The following LSAMP variants were observed in gnomAD, a reference collection of about 807,000 sequenced individuals.
LSAMP encodes limbic system associated membrane protein, also known as limbic system-associated membrane protein.
LSAMP carries 7 observed loss-of-function variants against 38.6 expected under a neutral mutation model. That is an observed-to-expected ratio of 0.18 (90% confidence interval 0.10 to 0.34). The LOEUF is 0.34. Ranked by LOEUF, LSAMP falls within the 10% of genes least tolerant of loss-of-function variation. The probability of loss-of-function intolerance (pLI) is 1.00; values close to 1 mark genes in which losing one functional copy is unlikely to be tolerated. For missense variants in LSAMP, 313 were observed against 420.0 expected (o/e 0.75, Z 2.23); for synonymous variants, 154 against 166.8 (o/e 0.92, Z 0.59).
intron 4 of LSAMP, among the ~76,000 whole-genome samples, chr3:115,847,803 C>T (rs146431768): frequency 3.4e-4 from 52 of 152,272 alleles, no homozygotes; most frequent in African/African-American, 1.2e-3. Context: ...TCAATTAAAC[C>T]TCTTTCCTTT....
In LSAMP at chr3:115,945,509, G is replaced by A. The variant is rs146565443; in HGVS notation, c.514+74006C>T. Among the ~76,000 whole-genome samples, 15 of 152,138 alleles carry A rather than the reference G, an allele frequency of 9.9e-5. No individual in the cohort carries two copies. In the East Asian group the frequency reaches 2.7e-3, roughly 27 times the overall value. ...AGGTAGGAGAAAGTAAATACCAAAG[G>A]TCACACAACTTTGAAGCTTCAGGGC... On this transcript the variant is annotated intron_variant, in intron 3 of 6. Coordinates refer to ENST00000490035, the MANE Select transcript of LSAMP (RefSeq NM_002338.5).
chr3:116,072,264 C>G (rs905321857), intron 2 of LSAMP, among the ~76,000 whole-genome samples: 2 of 152,090 alleles, frequency 1.3e-5, no homozygotes, highest in Non-Finnish European at 2.9e-5. Context: ...CGTGAGCCAC[C>G]GCGCCCCGCC....
intron 1 of LSAMP, among the ~76,000 whole-genome samples, chr3:116,110,407 G>A (rs979952223): frequency 2.6e-5 from 4 of 152,194 alleles, no homozygotes; most frequent in South Asian, 2.1e-4. Context: ...TGAAACATGG[G>A]TGAATAATCA....
chr3:115,891,049 C>G (rs949389626), intron 3 of LSAMP, among the ~76,000 whole-genome samples: 1 of 151,958 alleles, frequency 6.6e-6, no homozygotes, highest in Non-Finnish European at 1.5e-5. Flanking sequence ...TACTATACTT[C>G]TGCCTTCTGT....
rs562356416 is a variant in LSAMP at position 116,433,975 on chromosome 3, C to G, written c.155+10902G>C. Among the ~76,000 whole-genome samples, 3 of 152,088 alleles carry G rather than the reference C, an allele frequency of 2.0e-5. No individual in the cohort carries two copies. The South Asian group carries it at 6.2e-4, about 32-fold the overall frequency. Reference sequence around the variant, plus strand: ...CTTTGGGATCCTTCCCAAAATACCCCCATTTGCCCTTCTCATTTTCCAAAA... The same window carrying G: ...CTTTGGGATCCTTCCCAAAATACCCGCATTTGCCCTTCTCATTTTCCAAAA... On this transcript the variant is annotated intron_variant, in intron 1 of 6. Transcript: ENST00000490035.
At chr3:116,102,740 C>T (rs1260622107) in intron 1 of LSAMP, among the ~76,000 whole-genome samples, 1 of 141,184 alleles carries the variant, frequency 7.1e-6, no homozygotes, top group African/African-American at 3.2e-5. Context: ...TCTCAGCTTC[C>T]ATAATCATGT....
chr3:116,237,391 G>T (rs1051808796), intron 1 of LSAMP, among the ~76,000 whole-genome samples: 1 of 152,062 alleles, frequency 6.6e-6, no homozygotes, highest in Non-Finnish European at 1.5e-5. Flanking sequence ...AACCTCTGTG[G>T]TTATGGTGGC....
intron 3 of LSAMP, among the ~76,000 whole-genome samples, chr3:115,911,633 C>T (rs561022158): frequency 9.9e-5 from 15 of 152,246 alleles, no homozygotes; most frequent in Admixed American, 5.2e-4. Context: ...TGTGAGCTAC[C>T]GTGCCTGGCC....
intron 3 of LSAMP, among the ~76,000 whole-genome samples, chr3:115,972,198 T>C (rs976035436): frequency 6.6e-6 from 1 of 151,962 alleles, no homozygotes; most frequent in African/African-American, 2.4e-5. Flanking sequence ...ACAATATTGA[T>C]AGCATGCTGC....
intron 6 of LSAMP, chr3:115,834,574 G>A (rs755582053): frequency 1.6e-5 from 21 of 1,274,744 alleles, no homozygotes; most frequent in Non-Finnish European, 2.1e-5. Flanking sequence ...TGAATGGGGT[G>A]GGGGATTGTG....
intron 1 of LSAMP, among the ~76,000 whole-genome samples, chr3:116,230,773 C>A (rs1178181968): frequency 1.3e-5 from 2 of 151,954 alleles, no homozygotes; most frequent in African/African-American, 4.8e-5. Context: ...ATGCCGTTAG[C>A]TTTGTAATTA....
At position 116,199,212 on chromosome 3, in the gene LSAMP, G is replaced by A. The variant is rs72945937; in HGVS notation, c.156-112656C>T. 1.7e-3 allele frequency among the ~76,000 whole-genome samples: 265 copies of A among 151,936 alleles called. 2 individuals are homozygous for A. Among genetic ancestry groups the A allele is most frequent in the African/African-American group, 6.0e-3 (249 of 41,450 alleles). Reference sequence around the variant, plus strand: ...GCTATAAGGAAGTTTGGAGCTGGGCGGGAAGAAGACTGAGTAGGAAAGCTT... The same window carrying A: ...GCTATAAGGAAGTTTGGAGCTGGGCAGGAAGAAGACTGAGTAGGAAAGCTT... On this transcript the variant is annotated intron_variant, in intron 1 of 6. Coordinates refer to ENST00000490035, the MANE Select transcript of LSAMP (RefSeq NM_002338.5).
intron 1 of LSAMP, among the ~76,000 whole-genome samples, chr3:116,404,898 C>T (rs1235057993): frequency 2.6e-5 from 4 of 151,978 alleles, no homozygotes; most frequent in African/African-American, 9.7e-5. Flanking sequence ...CTAAATGTCT[C>T]ATTTTCTAGT....
intron 3 of LSAMP, among the ~76,000 whole-genome samples, chr3:115,902,592 A>G (rs563895997): frequency 1.3e-5 from 2 of 152,326 alleles, no homozygotes; most frequent in South Asian, 2.1e-4. Context: ...CAAACTATGC[A>G]TCTGTCAAAG....
Position 116,445,131 on chromosome 3 carries a change from G to C in LSAMP, c.-100C>G. 1 of 1,255,584 alleles carries C rather than the reference G, an allele frequency of 8.0e-7. No individual in the cohort carries two copies. The highest frequency in any genetic ancestry group is 1.5e-5 in the South Asian group (1 of 68,496). 77.8% of individuals were successfully genotyped at this position (1,255,584 alleles called of 1,614,324 possible). A position where few individuals can be genotyped will look rare whatever the true frequency, so the allele number is the denominator to read the frequency against. On this transcript the variant is annotated 5_prime_UTR_variant, in exon 1 of 7. Coordinates refer to ENST00000490035, the MANE Select transcript of LSAMP (RefSeq NM_002338.5). ...AACACGGGGCTTTCATCCACAGCGA[G>C]CGCAGAGCGGGCTTTGCCAGTTTAT...
chr3:116,397,067 T>A (rs1446674636), intron 1 of LSAMP, among the ~76,000 whole-genome samples: 1 of 152,216 alleles, frequency 6.6e-6, no homozygotes, highest in Non-Finnish European at 1.5e-5. Context: ...GGTTGTTCTT[T>A]GAAAACGTTA....
intron 1 of LSAMP, among the ~76,000 whole-genome samples, chr3:116,415,763 T>C (rs1435877202): frequency 1.3e-5 from 2 of 152,100 alleles, no homozygotes; most frequent in Non-Finnish European, 2.9e-5. Context: ...CTGCTGATAT[T>C]GAATTAACAT....
chr3:115,917,475 A>T (rs753699609), intron 3 of LSAMP, among the ~76,000 whole-genome samples: 5 of 152,094 alleles, frequency 3.3e-5, no homozygotes, highest in Non-Finnish European at 5.9e-5. Context: ...TTCCTTCCGG[A>T]TACTTTTAAA....
At chr3:116,268,540 C>T (rs2046924635) in intron 1 of LSAMP, among the ~76,000 whole-genome samples, 1 of 152,072 alleles carries the variant, frequency 6.6e-6, no homozygotes, top group East Asian at 1.9e-4. Flanking sequence ...CTTTAACATC[C>T]TTAGAGCACT....
Sources: allele counts gnomAD v4.1 joint callset (sites outside exome capture counted in the v4.1 genomes callset), GRCh38; gene constraint gnomAD v4.1.1; transcripts MANE v1.5; gene names NCBI Gene and HGNC (gene_info 2026-07-23, HGNC 2026-07-21).